The following PKD1L3 variants were observed in gnomAD, a reference collection of about 807,000 sequenced individuals.
PKD1L3 encodes the protein polycystin 1 like 3, transient receptor potential channel interacting, also known as polycystin-1-like protein 3.
A neutral mutation model predicts 184.1 loss-of-function variants in PKD1L3; 239 were observed. That is an observed-to-expected ratio of 1.30 (90% CI 1.17 to 1.45). The LOEUF (loss-of-function observed/expected upper bound fraction) is 1.45. Ranked by LOEUF, PKD1L3 falls within the 40% of genes most tolerant of loss-of-function variation. The pLI, the probability that PKD1L3 is intolerant of heterozygous loss-of-function variation, is 0.00. For synonymous variants in PKD1L3, 996 were observed against 778.8 expected (o/e 1.28, Z -4.64); for missense variants, 2,660 against 2,067.2 (o/e 1.29, Z -5.56).
chr16:71,967,575 G>A (rs896971445), intron 14 of PKD1L3, among the ~76,000 whole-genome samples: 26 of 151,962 alleles, frequency 1.7e-4, no homozygotes, highest in Non-Finnish European at 4.4e-5. Flanking sequence ...AGCAATTTTC[G>A]TGCCTCAACC....
intron 4 of PKD1L3, among the ~76,000 whole-genome samples, chr16:71,987,724 T>G (rs1195431151): frequency 6.6e-6 from 1 of 152,102 alleles, no homozygotes; most frequent in East Asian, 1.9e-4. Flanking sequence ...AGGCTGGTCT[T>G]GAACTCCTAG....
intron 6 of PKD1L3, 133 bp downstream of exon 6, chr16:71,983,903 T>A: frequency 6.4e-6 from 8 of 1,246,526 alleles, no homozygotes; most frequent in Non-Finnish European, 8.6e-6. Flanking sequence ...CCTCATGTGA[T>A]CCGCCCGCCT....
At position 71,933,526 on chromosome 16, in the gene PKD1L3, A is replaced by G. The variant is rs1057057573; in HGVS notation, c.4825-5T>C. ...GCATCCAAACAGCAGGTTAAACTGA[A>G]CAGAAGGAGAAAGGCCAGTTAGTGC... On this transcript the variant is annotated splice_region_variant and splice_polypyrimidine_tract_variant and intron_variant, in intron 27 of 29. Coordinates refer to ENST00000620267, the MANE Select transcript of PKD1L3 (RefSeq NM_181536.2). 18 of 1,546,228 alleles carry G rather than the reference A, an allele frequency of 1.2e-5. No homozygotes were observed. The highest frequency in any genetic ancestry group is 1.6e-5 in the Non-Finnish European group (18 of 1,141,776).
chr16:71,993,421 A>C (rs1306808438), intron 2 of PKD1L3, 89 bp from the exon 3 acceptor site: 1 of 442,448 alleles, frequency 2.3e-6, no homozygotes, highest in African/African-American at 2.2e-5. Flanking sequence ...CGTATGTGAT[A>C]ATCAGGAAAA....
chr16:71,983,071 G>A (rs756556238), intron 6 of PKD1L3, among the ~76,000 whole-genome samples: 2 of 152,090 alleles, frequency 1.3e-5, no homozygotes, highest in Admixed American at 1.3e-4. Flanking sequence ...AATTCTTTTT[G>A]AGTGGTGAGT....
At chr16:71,931,333 T>A (rs2037954349) in intron 28 of PKD1L3, 1 of 152,120 alleles carries the variant, frequency 6.6e-6, no homozygotes, top group African/African-American at 2.4e-5. Context: ...GTTACAGTTG[T>A]CCCTTAGTAT....
chr16:71,966,379 G>A (rs977810274), intron 15 of PKD1L3, among the ~76,000 whole-genome samples: 4 of 151,308 alleles, frequency 2.6e-5, no homozygotes, highest in Admixed American at 6.6e-5. Flanking sequence ...AACTCCTTAG[G>A]CACATCTCAT....
Position 71,999,706 on chromosome 16 carries a change from C to T in PKD1L3, c.273G>A (p.Lys91=), listed in dbSNP as rs1029490954. 1 of 1,547,978 alleles carries T rather than the reference C, an allele frequency of 6.5e-7. No homozygotes were observed. Among genetic ancestry groups the T allele is most frequent in the South Asian group, 1.2e-5 (1 of 83,532 alleles). Residue 91 remains lysine (K), a synonymous_variant, in exon 1 of 30, where the codon AAG becomes AAA. Coordinates refer to ENST00000620267, the MANE Select transcript of PKD1L3 (RefSeq NM_181536.2). ...TACCTGGGTATTTGTTGTCTTGATG[C>T]TTTTTCAATGGCATTACATTTTGCC... is the stretch of plus-strand genomic sequence containing the variant. ...WIGQNVMPLK[K]HQDNKYPADV... is the part of the protein sequence containing the mutation.
At chr16:71,969,368 C>CGCA (rs2039622461) in intron 13 of PKD1L3, among the ~76,000 whole-genome samples, 1 of 151,552 alleles carries the variant, frequency 6.6e-6, no homozygotes, top group African/African-American at 2.4e-5. Flanking sequence ...AGTAAAATGG[C>CGCA]ACAATAGCTC....
chr16:71,967,421 C>T, intron 14 of PKD1L3, 106 bp from the exon 15 acceptor site: 1 of 1,091,834 alleles, frequency 9.2e-7, no homozygotes, highest in African/African-American at 1.6e-5. Flanking sequence ...TAGATCAAGT[C>T]TTTCGGATCT....
At chr16:71,932,542 C>G (rs2038013772) in intron 28 of PKD1L3, among the ~76,000 whole-genome samples, 1 of 151,868 alleles carries the variant, frequency 6.6e-6, no homozygotes, top group Non-Finnish European at 1.5e-5. Flanking sequence ...GGCACAATCT[C>G]AGCTCACTGC....
At chr16:71,971,604 AAGCTC>A (rs1479692185) in intron 12 of PKD1L3, among the ~76,000 whole-genome samples, 1 of 152,182 alleles carries the variant, frequency 6.6e-6, no homozygotes, top group East Asian at 1.9e-4. Context: ...GAGAGGAGAA[AAGCTC>A]TCAAGCTTCT....
chr16:71,967,264 A>G lies in PKD1L3; in HGVS notation c.2338T>C (p.Cys780Arg). 1 of 1,551,688 alleles carries G rather than the reference A, an allele frequency of 6.4e-7. No homozygotes were observed. Among genetic ancestry groups the G allele is most frequent in the Non-Finnish European group, 8.7e-7 (1 of 1,146,950 alleles). The change falls in exon 15 of 30, where the codon TGT (cysteine) becomes CGT (arginine). Residue 780 changes from cysteine to arginine, a missense_variant. Cys to Arg is a radical substitution (Grantham distance 180). Transcript: ENST00000620267. The part of the protein sequence containing the change: ...SEGRSEPHHL[C>R]DPQKTVFERG... ...TCAAAGACTGTCTTCTGGGGGTCAC[A>G]GAGGTGATGGGGCTCACTCCGTCCC...
At position 71,980,057 on chromosome 16, in the gene PKD1L3, G is replaced by C. The variant is rs771209951; in HGVS notation, c.1221C>G (p.Pro407=). The part of the protein sequence containing the change: ...GEAFLEQNQS[P]ESSVTLTSAN... ...CAGAGGTCAAAGTCACTGAAGACTC[G>C]GGAGACTGGTTCTGCTCTAGAAATG... Residue 407 remains proline, a synonymous_variant, in exon 8 of 30, where the codon CCC becomes CCG. Transcript: ENST00000620267. 7 of 1,551,860 alleles carry C rather than the reference G, an allele frequency of 4.5e-6. No individual in the cohort carries two copies. The highest frequency in any genetic ancestry group is 1.7e-6 in the Non-Finnish European group (2 of 1,147,034).
In PKD1L3 at chr16:71,942,897, C is replaced by G; in HGVS notation, c.3987G>C (p.Gln1329His). 1 of 1,551,566 alleles carries G rather than the reference C, an allele frequency of 6.4e-7. No homozygotes were observed. The highest frequency in any genetic ancestry group is 8.7e-7 in the Non-Finnish European group (1 of 1,146,906). ...TATGATTGGCCCAGGGGTAGAAATC[C>G]TGAAGAAGTTTGATTTCCGAGAACT... ...SHQFSEIKLL[Q>H]DFYPWANHIL... is the part of the protein sequence containing the mutation. Residue 1329 changes from glutamine to histidine, a missense_variant, in exon 24 of 30, where the codon CAG becomes CAC. By Grantham distance (24) the Gln-to-His change is conservative. Transcript: ENST00000620267.
intron 12 of PKD1L3, among the ~76,000 whole-genome samples, chr16:71,971,210 T>G (rs1232260777): frequency 6.6e-6 from 1 of 152,246 alleles, no homozygotes; most frequent in Non-Finnish European, 1.5e-5. Context: ...AGTGTTTTAT[T>G]ATTTAAGAAA....
At chr16:71,987,845 C>A (rs896518461) in intron 4 of PKD1L3, among the ~76,000 whole-genome samples, 1 of 152,046 alleles carries the variant, frequency 6.6e-6, no homozygotes, top group African/African-American at 2.4e-5. Context: ...AGAGAGAGAG[C>A]TCTGCCCATA....
chr16:71,987,246 G>C (rs1454232067), intron 4 of PKD1L3, among the ~76,000 whole-genome samples: 6 of 147,786 alleles, frequency 4.1e-5, no homozygotes, highest in African/African-American at 1.5e-4. Context: ...CTTGAGACTG[G>C]TTGTCACTCT....
chr16:71,993,932 G>A (rs891276698), intron 2 of PKD1L3, among the ~76,000 whole-genome samples: 9 of 152,072 alleles, frequency 5.9e-5, no homozygotes, highest in South Asian at 2.1e-4. Context: ...GTGCCACCAC[G>A]CCTAATTTTT....
Sources: gnomAD v4.1 joint callset for allele counts (sites outside exome capture counted in the v4.1 genomes callset) on GRCh38, gnomAD v4.1.1 for gene constraint, MANE v1.5 for transcripts, NCBI Gene and HGNC (gene_info 2026-07-23, HGNC 2026-07-21) for gene names.